RARB: variants seen among roughly 807,000 people sequenced by gnomAD.
RARB encodes the protein HBV-activated protein.
RARB carries 17 observed loss-of-function variants against 51.9 expected under a neutral mutation model. The ratio of observed to expected loss-of-function variants is 0.33; its 90% confidence interval spans 0.22 to 0.49. The LOEUF is 0.49. Among genes scored for constraint, RARB ranks in the 20% least tolerant of loss-of-function variants. The pLI, the probability that RARB is intolerant of heterozygous loss-of-function variation, is 0.99. For missense variants in RARB, 369 were observed against 550.8 expected (o/e 0.67, Z 3.30); for synonymous variants, 215 against 195.4 (o/e 1.10, Z -0.84).
chr3:25,435,492 T>TTTCAGC lies in RARB; in HGVS notation c.157+6609_157+6614dup, dbSNP rs145858623. Among the ~76,000 whole-genome samples, 675 of 152,312 alleles carry TTTCAGC rather than the reference T, an allele frequency of 4.4e-3. 1 individual carries two copies. The highest frequency in any genetic ancestry group is 0.014 in the African/African-American group (602 of 41,566). Reference sequence around the variant, plus strand: ...AAAAAGGCCGATGATCTGAAGGCCATTTCAGCTTCAAAAGATTTTTTTAGG... The same window carrying TTTCAGC: ...AAAAAGGCCGATGATCTGAAGGCCATTTCAGCTTCAGCTTCAAAAGATTTTTTTAGG... On this transcript the variant is annotated intron_variant, in intron 1 of 7. Transcript: ENST00000330688.
intron 3 of RARB, among the ~76,000 whole-genome samples, chr3:25,119,275 C>CT (rs1699740282): frequency 6.6e-6 from 1 of 151,988 alleles, no homozygotes; most frequent in Non-Finnish European, 1.5e-5. Context: ...CTGGTGAGGA[C>CT]TGAGGGGTCG....
intron 2 of RARB, among the ~76,000 whole-genome samples, chr3:24,978,255 G>A (rs972953450): frequency 6.6e-6 from 1 of 152,106 alleles, no homozygotes; most frequent in African/African-American, 2.4e-5. Context: ...GAATCAGGAT[G>A]ACGCTTGTCT....
chr3:25,355,252 T>C (rs1705698681), intron 5 of RARB, among the ~76,000 whole-genome samples: 2 of 152,068 alleles, frequency 1.3e-5, no homozygotes. Flanking sequence ...AGAAGCCTGA[T>C]TGCCACCATC....
At chr3:25,326,018 G>A (rs1704706800) in intron 5 of RARB, among the ~76,000 whole-genome samples, 1 of 152,126 alleles carries the variant, frequency 6.6e-6, no homozygotes, top group Non-Finnish European at 1.5e-5. Flanking sequence ...ATATATGAAA[G>A]AAGATAAGGA....
intron 2 of RARB, among the ~76,000 whole-genome samples, chr3:25,050,384 A>G (rs1001116598): frequency 6.6e-6 from 1 of 152,184 alleles, no homozygotes; most frequent in South Asian, 2.1e-4. Flanking sequence ...CAAAGATAAG[A>G]ACCATAATAC....
intron 5 of RARB, among the ~76,000 whole-genome samples, chr3:25,303,610 C>A (rs1315887755): frequency 6.6e-6 from 1 of 152,172 alleles, no homozygotes; most frequent in East Asian, 1.9e-4. Flanking sequence ...GTTGAATCTT[C>A]ATTGAGTAAA....
At chr3:25,156,116 T>G (rs910025724) in intron 4 of RARB, among the ~76,000 whole-genome samples, 7 of 151,752 alleles carry the variant, frequency 4.6e-5, no homozygotes, top group Non-Finnish European at 1.0e-4. Flanking sequence ...TCAGCATCAA[T>G]AGTAGTTAAT....
chr3:24,913,546 A>G (rs978188309), intron 2 of RARB, among the ~76,000 whole-genome samples: 4 of 152,118 alleles, frequency 2.6e-5, no homozygotes, highest in African/African-American at 9.7e-5. Flanking sequence ...GTAACAGTAG[A>G]GTTGAAATAA....
intron 2 of RARB, among the ~76,000 whole-genome samples, chr3:25,463,032 C>T (rs902093807): frequency 7.9e-5 from 12 of 152,260 alleles, no homozygotes; most frequent in African/African-American, 2.6e-4. Flanking sequence ...ACGAATCTGT[C>T]AACTTGAAAA....
intron 5 of RARB, among the ~76,000 whole-genome samples, chr3:25,326,870 G>C (rs976728502): frequency 6.6e-6 from 1 of 151,890 alleles, no homozygotes; most frequent in Non-Finnish European, 1.5e-5. Context: ...TTAACTTTTA[G>C]GGTACATGTG....
At chr3:25,488,905 A>C (rs1239411135) in intron 2 of RARB, among the ~76,000 whole-genome samples, 1 of 151,338 alleles carries the variant, frequency 6.6e-6, no homozygotes, top group African/African-American at 2.5e-5. Flanking sequence ...TACCTCTTTT[A>C]TTACGGAGAC....
At chr3:25,372,071 A>T (rs2125472649) in intron 5 of RARB, among the ~76,000 whole-genome samples, 1 of 152,314 alleles carries the variant, frequency 6.6e-6, no homozygotes, top group Middle Eastern at 3.4e-3. Context: ...GAGACCCAAG[A>T]AGCATGTGGG....
intron 2 of RARB, among the ~76,000 whole-genome samples, chr3:25,045,550 C>T (rs1394653663): frequency 3.9e-5 from 6 of 152,294 alleles, no homozygotes; most frequent in South Asian, 2.1e-4. Flanking sequence ...ACTGTCAAAA[C>T]GACTTCAGTG....
At chr3:25,388,728 G>T (rs1020965433) in intron 5 of RARB, among the ~76,000 whole-genome samples, 2 of 152,186 alleles carry the variant, frequency 1.3e-5, no homozygotes, top group African/African-American at 2.4e-5. Context: ...TACAAGGGAA[G>T]CCTGCTGACA....
intron 5 of RARB, among the ~76,000 whole-genome samples, chr3:25,390,600 G>A (rs1706923572): frequency 6.6e-6 from 1 of 152,040 alleles, no homozygotes; most frequent in South Asian, 2.1e-4. Context: ...AAAAATAATA[G>A]TACAGGTTTT....
chr3:25,169,781 A>C (rs1700612883), intron 4 of RARB, among the ~76,000 whole-genome samples: 1 of 152,064 alleles, frequency 6.6e-6, no homozygotes, highest in African/African-American at 2.4e-5. Flanking sequence ...TGAGTCCAGG[A>C]GTTCGAGACC....
chr3:25,499,563 T>C (rs748812104), intron 2 of RARB, among the ~76,000 whole-genome samples: 6 of 152,224 alleles, frequency 3.9e-5, no homozygotes, highest in Non-Finnish European at 7.3e-5. Flanking sequence ...AAGTCTGCTT[T>C]ATTTCATCGG....
intron 5 of RARB, among the ~76,000 whole-genome samples, chr3:25,245,812 T>C (rs939557425): frequency 6.6e-5 from 10 of 151,990 alleles, no homozygotes; most frequent in African/African-American, 2.4e-4. Context: ...GAGATACTCT[T>C]GAGGAGTATC....
chr3:24,958,768 T>A lies in RARB; in HGVS notation c.-380+100016T>A, dbSNP rs569940364. 7.2e-5 allele frequency among the ~76,000 whole-genome samples: 11 copies of A among 152,324 alleles called. No individual in the cohort carries two copies. The South Asian group carries it at 2.3e-3, about 32-fold the overall frequency. On this transcript the variant is annotated intron_variant, in intron 2 of 11. Transcript: ENST00000383772. ...GTCTGATGAGATAAGTCTTTGGCCA[T>A]GAAAATAATATGACAACATAGCCAC...
Sources: gnomAD v4.1 joint callset for allele counts (sites outside exome capture counted in the v4.1 genomes callset) on GRCh38, gnomAD v4.1.1 for gene constraint, MANE v1.5 for transcripts, NCBI Gene and HGNC (gene_info 2026-07-23, HGNC 2026-07-21) for gene names.